FRMD6: variants seen among roughly 807,000 people sequenced by gnomAD.
The protein encoded by FRMD6 is FERM domain-containing protein 6.
A neutral mutation model predicts 73.2 loss-of-function variants in FRMD6; 37 were observed. The observed-to-expected ratio is 0.51, with a 90% CI of 0.39 to 0.66. FRMD6 has a LOEUF of 0.66. Among genes scored for constraint, FRMD6 ranks in the 30% least tolerant of loss-of-function variants. The probability of loss-of-function intolerance (pLI) is 0.00; values close to 1 mark genes in which losing one functional copy is unlikely to be tolerated. For missense variants in FRMD6, 714 were observed against 780.5 expected (o/e 0.91, Z 1.02); for synonymous variants, 273 against 282.2 (o/e 0.97, Z 0.33).
intron 1 of FRMD6, among the ~76,000 whole-genome samples, chr14:51,504,387 C>T (rs1883824171): frequency 6.6e-6 from 1 of 152,206 alleles, no homozygotes. Flanking sequence ...GTTGGGAGGT[C>T]TCACCCAGTC....
the FRMD6 span, chr14:51,454,645 A>C: frequency 6.6e-6 from 1 of 152,210 alleles, no homozygotes; most frequent in Non-Finnish European, 1.5e-5. Flanking sequence ...GTCTGGTGTC[A>C]TAGGCCTGTG....
the FRMD6 span, among the ~76,000 whole-genome samples, chr14:51,429,005 G>GGGT: frequency 6.8e-6 from 1 of 146,936 alleles, no homozygotes; most frequent in Non-Finnish European, 1.5e-5. Flanking sequence ...GGGAGAGAGA[G>GGGT]GGGAGAGAGA....
intron 2 of FRMD6, among the ~76,000 whole-genome samples, chr14:51,641,797 T>C (rs535237827): frequency 2.0e-5 from 3 of 152,310 alleles, no homozygotes; most frequent in Admixed American, 6.5e-5. Flanking sequence ...TTGTAGGACG[T>C]TGAGCAGCAT....
At chr14:51,708,052 AT>A (rs746256424) in intron 6 of FRMD6, 25 bp from the exon 7 acceptor site, 1 of 1,610,246 alleles carries the variant, frequency 6.2e-7, no homozygotes, top group Non-Finnish European at 8.5e-7. Flanking sequence ...CAAATGTTGC[AT>A]TGCACACCCC....
chr14:51,409,084 C>T, the FRMD6 span, among the ~76,000 whole-genome samples: 3 of 152,172 alleles, frequency 2.0e-5, no homozygotes, highest in Non-Finnish European at 4.4e-5. Context: ...GTTTTTCTCA[C>T]ATTTCACAGG....
chr14:51,715,227 C>T, intron 9 of FRMD6, 98 bp from the exon 10 acceptor site: 1 of 906,412 alleles, frequency 1.1e-6, no homozygotes, highest in Admixed American at 2.8e-5. Context: ...TTATACATTT[C>T]AGAATCTATA....
chr14:51,566,850 A>G (rs192979100), intron 1 of FRMD6, among the ~76,000 whole-genome samples: 1 of 152,324 alleles, frequency 6.6e-6, no homozygotes, highest in East Asian at 1.9e-4. Context: ...AAGTTGTTTT[A>G]CCTTGCAGAA....
the FRMD6 span, among the ~76,000 whole-genome samples, chr14:51,449,405 G>C: frequency 5.5e-4 from 84 of 152,306 alleles, 1 homozygote; most frequent in South Asian, 0.015. Flanking sequence ...TCAGTGCACA[G>C]TGGATTTTCC....
chr14:51,434,980 G>C, the FRMD6 span, among the ~76,000 whole-genome samples: 1 of 152,176 alleles, frequency 6.6e-6, no homozygotes, highest in Non-Finnish European at 1.5e-5. Context: ...AAGTGTCACT[G>C]TTGTGGGAGA....
At chr14:51,408,336 T>C in the FRMD6 span, among the ~76,000 whole-genome samples, 1 of 152,138 alleles carries the variant, frequency 6.6e-6, no homozygotes, top group Admixed American at 6.6e-5. Context: ...ATTTTATTAA[T>C]TCTTTAATAT....
At chr14:51,457,525 T>A in the FRMD6 span, among the ~76,000 whole-genome samples, 286 of 152,232 alleles carry the variant, frequency 1.9e-3, no homozygotes, top group African/African-American at 6.3e-3. Flanking sequence ...TGGCAAAGAG[T>A]TAGAGAAATG....
intron 1 of FRMD6, among the ~76,000 whole-genome samples, chr14:51,680,252 T>C (rs1894706739): frequency 6.6e-6 from 1 of 152,192 alleles, no homozygotes; most frequent in African/African-American, 2.4e-5. Context: ...AGGGCCCTTA[T>C]CTGTATTACT....
chr14:51,485,468 C>A (rs748596934), upstream of FRMD6, among the ~76,000 whole-genome samples: 9 of 152,152 alleles, frequency 5.9e-5, no homozygotes, highest in African/African-American at 9.7e-5. Context: ...ACTATTCAAC[C>A]CACTATAGTG....
intron 2 of FRMD6, chr14:51,637,496 CACACAT>C (rs59761274): frequency 0.14 from 20,491 of 143,564 alleles, 1,438 homozygotes; most frequent in South Asian, 0.2. Flanking sequence ...CACACACACA[CACACAT>C]ATATTTGGAA....
intron 1 of FRMD6, among the ~76,000 whole-genome samples, chr14:51,681,569 T>C (rs1016197563): frequency 2.6e-5 from 4 of 152,192 alleles, no homozygotes; most frequent in African/African-American, 9.6e-5. Flanking sequence ...AAACCCAAGC[T>C]GTTTGGCTCC....
intron 2 of FRMD6, among the ~76,000 whole-genome samples, chr14:51,621,607 G>C (rs2139926117): frequency 6.6e-6 from 1 of 152,300 alleles, no homozygotes; most frequent in Admixed American, 6.5e-5. Context: ...AGATGGTATT[G>C]CTTACAGATT....
chr14:51,525,039 A>AAGAGAG (rs760690162), intron 1 of FRMD6, among the ~76,000 whole-genome samples: 1 of 143,412 alleles, frequency 7.0e-6, no homozygotes, highest in Non-Finnish European at 1.5e-5. Flanking sequence ...GATGGAGAGA[A>AAGAGAG]AGAGAGAGAG....
At chr14:51,464,826 G>T in the FRMD6 span, among the ~76,000 whole-genome samples, 1 of 152,164 alleles carries the variant, frequency 6.6e-6, no homozygotes, top group Non-Finnish European at 1.5e-5. Flanking sequence ...TGCCAGCCAG[G>T]TATATATACC....
intron 1 of FRMD6, among the ~76,000 whole-genome samples, chr14:51,545,933 T>C (rs370966484): frequency 1.1e-4 from 16 of 152,216 alleles, no homozygotes; most frequent in African/African-American, 3.4e-4. Flanking sequence ...CATTGTGATC[T>C]TGACAAAATA....
Sources: allele counts gnomAD v4.1 joint callset (sites outside exome capture counted in the v4.1 genomes callset), GRCh38; gene constraint gnomAD v4.1.1; transcripts MANE v1.5; gene names NCBI Gene and HGNC (gene_info 2026-07-23, HGNC 2026-07-21).